Variants in ARID1A observed in about 807,000 individuals in gnomAD.
The protein encoded by ARID1A is AT-rich interactive domain-containing protein 1A.
In ARID1A, 20 loss-of-function variants were observed where a neutral mutation model predicts 212.6. That is an observed-to-expected ratio of 0.09 (90% CI 0.07 to 0.14). The LOEUF (loss-of-function observed/expected upper bound fraction) is 0.14. ARID1A is among the 10% of genes least tolerant of loss of function. The pLI, the probability that ARID1A is intolerant of heterozygous loss-of-function variation, is 1.00. For synonymous variants in ARID1A, 1,376 were observed against 1,222.1 expected (o/e 1.13, Z -2.63); for missense variants, 2,587 against 3,059.0 (o/e 0.85, Z 3.64).
At chr1:26,729,326 G>A (rs1384524187) in intron 1 of ARID1A, 5 of 354,296 alleles carry the variant, frequency 1.4e-5, no homozygotes, top group Non-Finnish European at 2.2e-5. Flanking sequence ...GCAGTGCATA[G>A]CAGCACCGTC....
Position 26,773,786 on chromosome 1 carries a change from TC to T in ARID1A, c.4005-15del, listed in dbSNP as rs2081107355. On this transcript the variant is annotated splice_polypyrimidine_tract_variant and intron_variant, in intron 16 of 19. Coordinates refer to ENST00000324856, the MANE Select transcript of ARID1A (RefSeq NM_006015.6). ...CCACTGCCCACCCTAATCCTGTGTT[TC>T]TTTGCCTCCTATAGACATGATTCCT... is the stretch of plus-strand genomic sequence containing the variant. 1 of 1,614,022 alleles carries T rather than the reference TC, an allele frequency of 6.2e-7. No individual in the cohort carries two copies. Among genetic ancestry groups the T allele is most frequent in the African/African-American group, 1.3e-5 (1 of 74,922 alleles).
chr1:26,722,326 A>T (rs1570567555), intron 1 of ARID1A, among the ~76,000 whole-genome samples: 2 of 151,968 alleles, frequency 1.3e-5, no homozygotes, highest in Non-Finnish European at 2.9e-5. Context: ...GCTCACTACA[A>T]CCTCTGCCTC....
In ARID1A at chr1:26,773,392, C is replaced by T. The variant is rs138814830; in HGVS notation, c.3762C>T (p.Gly1254=). The stretch of plus-strand genomic sequence containing the variant: ...TGTCCTCAGGGCAGGGCCCCAACGG[C>T]GGGATGGGTGACCCCTACAGTCGTG... The part of the protein sequence containing the change: ...PFMSSGQGPN[G]GMGDPYSRAA... Residue 1254 remains glycine, a synonymous_variant, in exon 15 of 20, where the codon GGC becomes GGT. Transcript: ENST00000324856. The T allele has an allele frequency of 1.3e-3, 2,075 of 1,612,132 alleles. 1 individual carries two copies. The highest frequency in any genetic ancestry group is 1.7e-3 in the Non-Finnish European group (2,000 of 1,179,024).
chr1:26,704,788 G>A (rs1028928002), intron 1 of ARID1A, among the ~76,000 whole-genome samples: 1 of 151,886 alleles, frequency 6.6e-6, no homozygotes, highest in African/African-American at 2.4e-5. Context: ...GAGCCCAGGA[G>A]GTTGAGGCTG....
intron 1 of ARID1A, among the ~76,000 whole-genome samples, chr1:26,726,905 T>G (rs1028137046): frequency 6.6e-6 from 1 of 152,220 alleles, no homozygotes; most frequent in Admixed American, 6.5e-5. Context: ...ACTGAAGATA[T>G]GGGAAGTGGC....
intron 4 of ARID1A, among the ~76,000 whole-genome samples, chr1:26,757,418 C>A (rs1419090911): frequency 2.7e-5 from 4 of 148,252 alleles, no homozygotes; most frequent in African/African-American, 1.0e-4. Flanking sequence ...CACAGTGAGC[C>A]GCGATAGCGC....
At chr1:26,728,326 A>G (rs1290282957) in intron 1 of ARID1A, among the ~76,000 whole-genome samples, 1 of 152,172 alleles carries the variant, frequency 6.6e-6, no homozygotes, top group East Asian at 1.9e-4. Context: ...TGAAAGCTCT[A>G]CTTCCTCTAC....
At chr1:26,756,023 G>A (rs1312326324) in intron 4 of ARID1A, among the ~76,000 whole-genome samples, 6 of 151,846 alleles carry the variant, frequency 4.0e-5, no homozygotes, top group African/African-American at 1.5e-4. Flanking sequence ...GATTACAGAC[G>A]TGAGCCACCG....
intron 8 of ARID1A, chr1:26,764,433 G>A (rs1160312765): frequency 6.6e-6 from 1 of 152,050 alleles, no homozygotes; most frequent in Non-Finnish European, 1.5e-5. Flanking sequence ...TGGATCTTTG[G>A]TGTTAGAAAT....
Position 26,731,175 on chromosome 1 carries a change from C to T in ARID1A, c.1374C>T (p.Gly458=), listed in dbSNP as rs2124787875. The T allele has an allele frequency of 6.2e-7, 1 of 1,613,990 alleles. No individual in the cohort carries two copies. The highest frequency in any genetic ancestry group is 8.5e-7 in the Non-Finnish European group (1 of 1,179,954). The change falls in exon 3 of 20, where the codon GGC becomes GGT. Residue 458 remains glycine, a synonymous_variant. Coordinates refer to ENST00000324856, the MANE Select transcript of ARID1A (RefSeq NM_006015.6). Reference sequence around the variant, plus strand: ...AGATTCCTCCTTATGGACAACAAGGCCCCAGCGGGTATGGTCAACAGGGCC... The same window carrying T: ...AGATTCCTCCTTATGGACAACAAGGTCCCAGCGGGTATGGTCAACAGGGCC... The part of the protein sequence containing the change: ...TQQIPPYGQQ[G]PSGYGQQGQT...
intron 6 of ARID1A, 111 bp from the exon 7 acceptor site, chr1:26,762,041 T>C: frequency 1.6e-6 from 2 of 1,243,340 alleles, no homozygotes; most frequent in African/African-American, 1.5e-5. Flanking sequence ...AGAGACTCCA[T>C]GCAAGTGGCT....
Position 26,732,576 on chromosome 1 carries a change from C to G in ARID1A, c.1804-100C>G. ...TACTTTTCGCAACTGGACTTTCTCT[C>G]ACACTCATGAGAGACAGTCCCATAA... On this transcript the variant is annotated intron_variant, in intron 3 of 19. Coordinates refer to ENST00000324856, the MANE Select transcript of ARID1A (RefSeq NM_006015.6). 8 of 936,850 alleles carry G rather than the reference C, an allele frequency of 8.5e-6. 1 individual carries two copies. The highest frequency in any genetic ancestry group is 1.0e-5 in the Non-Finnish European group (6 of 599,660). The allele number at this position is 936,850 out of a possible 1,614,324, so 58.0% of individuals were successfully genotyped here. A position where few individuals can be genotyped will look rare whatever the true frequency, so the allele number is the denominator to read the frequency against.
At chr1:26,764,736 G>A (rs2081023233) in intron 8 of ARID1A, 1 of 152,140 alleles carries the variant, frequency 6.6e-6, no homozygotes, top group African/African-American at 2.4e-5. Context: ...AGTCTGGTTG[G>A]GATTTAGCAT....
At chr1:26,761,509 A>G (rs2080992061) in intron 6 of ARID1A, 36 bp downstream of exon 6, 1 of 1,607,850 alleles carries the variant, frequency 6.2e-7, no homozygotes, top group Non-Finnish European at 8.5e-7. Flanking sequence ...GCAGGGAGCT[A>G]GGGCAGACAT....
In ARID1A at chr1:26,773,406, C is replaced by G. The variant is rs1411893407; in HGVS notation, c.3776C>G (p.Pro1259Arg). 6.2e-7 allele frequency: 1 copy of G among 1,612,922 alleles called. No individual in the cohort carries two copies. Residue 1259 changes from proline (P) to arginine (R), a missense_variant, in exon 15 of 20, where the codon CCC becomes CGC. This residue lies in a region of ARID1A where 890 missense variants were observed against 1,098.2 expected (regional missense o/e 0.81). Coordinates refer to ENST00000324856, the MANE Select transcript of ARID1A (RefSeq NM_006015.6). ...GGCCCCAACGGCGGGATGGGTGACC[C>G]CTACAGTCGTGCTGCCGGCCCTGGG... The part of the protein sequence containing the change: ...GQGPNGGMGD[P>R]YSRAAGPGLG...
At chr1:26,754,613 A>T (rs1043209066) in intron 4 of ARID1A, among the ~76,000 whole-genome samples, 2 of 152,210 alleles carry the variant, frequency 1.3e-5, no homozygotes, top group African/African-American at 4.8e-5. Context: ...TAAGGTCACA[A>T]CTGATAAGTA....
chr1:26,708,099 T>A (rs905355038), intron 1 of ARID1A, among the ~76,000 whole-genome samples: 1 of 151,900 alleles, frequency 6.6e-6, no homozygotes, highest in Non-Finnish European at 1.5e-5. Flanking sequence ...AGGGTTTTGT[T>A]GTTTTGGATT....
intron 4 of ARID1A, among the ~76,000 whole-genome samples, chr1:26,736,902 C>CAA (rs35005598): frequency 7.2e-4 from 36 of 49,750 alleles, no homozygotes; most frequent in East Asian, 6.1e-3. Flanking sequence ...AATTCTGTCT[C>CAA]AAAAAAAAAA....
intron 1 of ARID1A, among the ~76,000 whole-genome samples, chr1:26,697,777 C>T (rs891990443): frequency 6.6e-6 from 1 of 151,288 alleles, no homozygotes; most frequent in Non-Finnish European, 1.5e-5. Context: ...TTTCCTCTCC[C>T]CTGGTCCCTT....
Sources: gnomAD v4.1 joint callset for allele counts (sites outside exome capture counted in the v4.1 genomes callset) on GRCh38, gnomAD v4.1.1 for gene constraint, gnomAD v4.1.1 regional missense constraint, MANE v1.5 for transcripts, NCBI Gene and HGNC (gene_info 2026-07-23, HGNC 2026-07-21) for gene names.